The following ABCA13 variants were observed in gnomAD, a reference collection of about 807,000 sequenced individuals.
The protein encoded by ABCA13 is ATP-binding cassette sub-family A member 13.
In ABCA13, 476 loss-of-function variants were observed where a neutral mutation model predicts 478.7. The observed-to-expected ratio is 0.99, with a 90% CI of 0.92 to 1.07. ABCA13 has a LOEUF of 1.07. Ranked by LOEUF, ABCA13 falls within the 50% of genes least tolerant of loss-of-function variation. The pLI is 0.00. For synonymous variants in ABCA13, 2,252 were observed against 2,158.9 expected, an observed-to-expected ratio of 1.04 and a Z score of -1.20; for missense variants, 6,060 against 5,910.6, an observed-to-expected ratio of 1.03 and a Z score of -0.83.
chr7:48,508,273 A>C (rs981521597), intron 50 of ABCA13, among the ~76,000 whole-genome samples: 1 of 152,162 alleles, frequency 6.6e-6, no homozygotes, highest in African/African-American at 2.4e-5. Flanking sequence ...AGAACTGGGA[A>C]ATTATAGAAC....
intron 31 of ABCA13, among the ~76,000 whole-genome samples, chr7:48,362,357 T>C (rs919433089): frequency 8.6e-5 from 13 of 151,756 alleles, no homozygotes; most frequent in Non-Finnish European, 1.6e-4. Flanking sequence ...TTGTTTGATA[T>C]TGAAATGGTG....
chr7:48,524,468 T>C (rs759553621), intron 54 of ABCA13, 28 bp downstream of exon 54: 5 of 1,583,922 alleles, frequency 3.2e-6, no homozygotes, highest in Non-Finnish European at 4.3e-6. Flanking sequence ...TTTAATCTTC[T>C]TCTGTTGTGA....
At chr7:48,455,796 A>T (rs976044280) in intron 43 of ABCA13, among the ~76,000 whole-genome samples, 3 of 152,234 alleles carry the variant, frequency 2.0e-5, no homozygotes, top group Admixed American at 2.0e-4. Flanking sequence ...GGCTGGGGTC[A>T]ATTGAGCAGG....
intron 58 of ABCA13, chr7:48,603,937 T>G (rs1791184078): frequency 6.6e-6 from 1 of 152,210 alleles, no homozygotes. Flanking sequence ...GGGATTTGAC[T>G]TCTTTCTGGT....
intron 1 of ABCA13, among the ~76,000 whole-genome samples, chr7:48,187,357 A>T (rs1233671989): frequency 6.7e-6 from 1 of 149,534 alleles, no homozygotes; most frequent in African/African-American, 2.5e-5. Context: ...GCCGTAGTTT[A>T]ACTACAGCTT....
At chr7:48,208,865 G>A (rs1785259363) in intron 3 of ABCA13, among the ~76,000 whole-genome samples, 1 of 152,006 alleles carries the variant, frequency 6.6e-6, no homozygotes, top group South Asian at 2.1e-4. Context: ...TAGTGAAAGT[G>A]GGCATTCCAG....
chr7:48,410,172 T>A (rs996704243), intron 39 of ABCA13, among the ~76,000 whole-genome samples: 5 of 151,376 alleles, frequency 3.3e-5, no homozygotes, highest in Admixed American at 6.6e-5. Context: ...TTTTTTTTTT[T>A]AATTTATTCT....
chr7:48,442,543 T>A (rs1055675044), intron 42 of ABCA13, among the ~76,000 whole-genome samples: 11 of 152,248 alleles, frequency 7.2e-5, no homozygotes, highest in African/African-American at 2.4e-4. Context: ...TATACATAAA[T>A]CATTGAATTT....
intron 58 of ABCA13, among the ~76,000 whole-genome samples, chr7:48,606,518 C>A (rs1287242243): frequency 6.6e-6 from 1 of 150,794 alleles, no homozygotes; most frequent in Admixed American, 6.6e-5. Flanking sequence ...CCGCTCCAGA[C>A]CCTGTTTGGG....
Position 48,412,343 on chromosome 7 carries a change from T to G in ABCA13, c.12229-10T>G. The G allele has an allele frequency of 4.4e-6, 7 of 1,600,902 alleles. No homozygotes were observed. The highest frequency in any genetic ancestry group is 1.7e-4 in the Middle Eastern group (1 of 6,016). ...TTACTGGCTTCTTTTTTCCTTTTTT[T>G]TATGGATAGCCTTCTGTTCTGGAGG... On this transcript the variant is annotated splice_polypyrimidine_tract_variant and intron_variant, in intron 40 of 61. Transcript: ENST00000435803.
At chr7:48,447,326 C>A (rs1307774976) in intron 42 of ABCA13, among the ~76,000 whole-genome samples, 1 of 152,164 alleles carries the variant, frequency 6.6e-6, no homozygotes, top group Admixed American at 6.5e-5. Flanking sequence ...TTGGGTAGGG[C>A]ATCTTGAACT....
intron 59 of ABCA13, among the ~76,000 whole-genome samples, chr7:48,628,922 T>A (rs774767212): frequency 3.4e-4 from 52 of 152,240 alleles, no homozygotes; most frequent in Non-Finnish European, 5.9e-4. Context: ...ATTCAGCTTC[T>A]GCCTAGCTTA....
At chr7:48,471,783 GTA>G (rs1471938792) in intron 45 of ABCA13, among the ~76,000 whole-genome samples, 184 bp downstream of exon 45, 1 of 152,198 alleles carries the variant, frequency 6.6e-6, no homozygotes, top group African/African-American at 2.4e-5. Context: ...CACAGATGCT[GTA>G]TAGATTGACA....
At chr7:48,224,632 T>C (rs991925775) in intron 5 of ABCA13, among the ~76,000 whole-genome samples, 7 of 152,154 alleles carry the variant, frequency 4.6e-5, no homozygotes, top group African/African-American at 1.7e-4. Context: ...GAAATAAAAA[T>C]TACTAATTGT....
chr7:48,414,124 C>T (rs1307207726), intron 41 of ABCA13, among the ~76,000 whole-genome samples: 3 of 152,310 alleles, frequency 2.0e-5, no homozygotes, highest in East Asian at 3.9e-4. Flanking sequence ...TGAATAGGAG[C>T]TGTTTTCTAA....
chr7:48,293,522 A>G (rs1798883605), intron 20 of ABCA13, among the ~76,000 whole-genome samples: 1 of 152,238 alleles, frequency 6.6e-6, no homozygotes, highest in South Asian at 2.1e-4. Context: ...TGATATAAAT[A>G]AAATGTGATG....
chr7:48,311,106 A>G (rs943510255), intron 24 of ABCA13, among the ~76,000 whole-genome samples: 1 of 152,146 alleles, frequency 6.6e-6, no homozygotes, highest in Admixed American at 6.5e-5. Context: ...GAGAGGCTGC[A>G]GGGTTTGTAC....
At chr7:48,585,820 A>G (rs1424857118) in intron 56 of ABCA13, among the ~76,000 whole-genome samples, 2 of 152,152 alleles carry the variant, frequency 1.3e-5, no homozygotes, top group African/African-American at 4.8e-5. Flanking sequence ...TAATACTTCT[A>G]TGGTCATAAG....
At chr7:48,505,479 G>T (rs1831121803) in intron 48 of ABCA13, among the ~76,000 whole-genome samples, 1 of 152,106 alleles carries the variant, frequency 6.6e-6, no homozygotes, top group Middle Eastern at 3.2e-3. Context: ...AGATGATAGG[G>T]TAAATTAAAG....
Sources: allele counts gnomAD v4.1 joint callset (sites outside exome capture counted in the v4.1 genomes callset), GRCh38; gene constraint gnomAD v4.1.1; transcripts MANE v1.5; gene names NCBI Gene and HGNC (gene_info 2026-07-23, HGNC 2026-07-21).